NHEJ1: variants seen among roughly 807,000 people sequenced by gnomAD.
NHEJ1 encodes the protein non-homologous end-joining factor 1.
NHEJ1 carries 22 observed loss-of-function variants against 39.4 expected under a neutral mutation model. That is an observed-to-expected ratio of 0.56 (90% confidence interval 0.40 to 0.80). NHEJ1 has a LOEUF of 0.80. Ranked by LOEUF, NHEJ1 falls within the 30% of genes least tolerant of loss-of-function variation. NHEJ1 has a pLI of 0.00. For missense variants in NHEJ1, 329 were observed against 357.1 expected (o/e 0.92, Z 0.63); for synonymous variants, 154 against 135.6 (o/e 1.14, Z -0.94).
At chr2:219,108,943 C>T (rs1347310654) in intron 5 of NHEJ1, among the ~76,000 whole-genome samples, 1 of 152,248 alleles carries the variant, frequency 6.6e-6, no homozygotes, top group African/African-American at 2.4e-5. Context: ...GTGTATTCTA[C>T]ATCTGAACCC....
chr2:219,093,173 C>T (rs1362037320), intron 5 of NHEJ1, among the ~76,000 whole-genome samples: 4 of 152,088 alleles, frequency 2.6e-5, no homozygotes, highest in Non-Finnish European at 5.9e-5. Context: ...TTCCATAAAC[C>T]TGCTGTAGAA....
chr2:219,120,340 A>G (rs889121665), intron 5 of NHEJ1, among the ~76,000 whole-genome samples: 2 of 152,202 alleles, frequency 1.3e-5, no homozygotes, highest in Non-Finnish European at 2.9e-5. Flanking sequence ...CTGACTCAAT[A>G]AGGTAGTGTA....
intron 5 of NHEJ1, among the ~76,000 whole-genome samples, chr2:219,118,785 G>A (rs1167045104): frequency 6.6e-6 from 1 of 152,244 alleles, no homozygotes; most frequent in Admixed American, 6.5e-5. Context: ...AATGAAGGCT[G>A]GAGACAGCCC....
rs1451998977 is a variant in NHEJ1 at position 219,075,275 on chromosome 2, A to G, written c.*1106T>C. On this transcript the variant is annotated 3_prime_UTR_variant, in exon 8 of 8. Transcript: ENST00000356853. ...TGAGGATCAATGTCAAGTGCTCATT[A>G]GAGTAGCTGGTATACATTAACTGCT... 6.6e-6 allele frequency: 1 copy of G among 152,202 alleles called. No homozygotes were observed. The highest frequency in any genetic ancestry group is 1.9e-4 in the East Asian group (1 of 5,198). The allele number at this position is 152,202 out of a possible 1,614,324, so 9.4% of individuals were successfully genotyped here. A position where few individuals can be genotyped will look rare whatever the true frequency, so the allele number is the denominator to read the frequency against.
chr2:219,147,168 G>C (rs1038427795), intron 4 of NHEJ1, among the ~76,000 whole-genome samples: 2 of 152,192 alleles, frequency 1.3e-5, no homozygotes, highest in African/African-American at 4.8e-5. Context: ...GCTCCAGCCA[G>C]GTACTCGAGG....
intron 3 of NHEJ1, among the ~76,000 whole-genome samples, chr2:219,154,186 G>A (rs73991399): frequency 0.017 from 2,526 of 152,172 alleles, 71 homozygotes; most frequent in African/African-American, 0.057. Context: ...CTCATCAAGT[G>A]AAGCAGTGGG....
rs900913267 is a variant in NHEJ1, at chr2:219,073,804, T to G, written c.*2577A>C. Among the ~76,000 whole-genome samples, 1 of 152,202 alleles carries G rather than the reference T, an allele frequency of 6.6e-6. No homozygotes were observed. Among genetic ancestry groups the G allele is most frequent in the African/African-American group, 2.4e-5 (1 of 41,454 alleles). ...GTAGGCGGGGAGGTGGGCCACTGCT[T>G]TATTAAACACAGGGAAAACTAATAT... On this transcript the variant is annotated 3_prime_UTR_variant, in exon 8 of 8. Transcript: ENST00000356853.
chr2:219,147,703 G>A lies in NHEJ1; in HGVS notation c.483C>T (p.Asp161=), dbSNP rs763611486. The A allele has an allele frequency of 3.1e-6, 5 of 1,614,174 alleles. No homozygotes were observed. The South Asian group carries it at 5.5e-5, about 18-fold the overall frequency. ...RELATLLHMK[D]LEIQDYQESG... is the part of the protein sequence containing the mutation. ...TCTCCTGGTAGTCTTGGATCTCTAG[G>A]TCTTTCATATGAAGTAACGTTGCTA... The change falls in exon 4 of 8, where the codon GAC becomes GAT. Residue 161 remains aspartate (D), a synonymous_variant. Coordinates refer to ENST00000356853, the MANE Select transcript of NHEJ1 (RefSeq NM_024782.3).
chr2:219,070,083 C>T lies in NHEJ1; in HGVS notation c.*6298G>A, dbSNP rs1421374402. 1.3e-5 allele frequency among the ~76,000 whole-genome samples: 2 copies of T among 152,224 alleles called. No individual in the cohort carries two copies. The highest frequency in any genetic ancestry group is 2.9e-5 in the Non-Finnish European group (2 of 68,040). The stretch of plus-strand genomic sequence containing the variant: ...TATCACCACCAACAGGGGCATTATG[C>T]TCCTTGCTGAATGGCCACAAACTGC... On this transcript the variant is annotated 3_prime_UTR_variant, in exon 8 of 8. Transcript: ENST00000356853.
chr2:219,153,557 G>A (rs1220566104), intron 3 of NHEJ1, among the ~76,000 whole-genome samples: 4 of 152,178 alleles, frequency 2.6e-5, no homozygotes, highest in South Asian at 2.1e-4. Flanking sequence ...CAGAGACCTG[G>A]GGCCAAGCAC....
In NHEJ1 at chr2:219,073,509, A is replaced by G. The variant is rs1316257495; in HGVS notation, c.*2872T>C. Reference sequence around the variant, plus strand: ...AAGGGATGAGGCTTTCTCTCCAAGCAGGGAGCATGCCTGTCCTAGCTAACT... The same window carrying G: ...AAGGGATGAGGCTTTCTCTCCAAGCGGGGAGCATGCCTGTCCTAGCTAACT... On this transcript the variant is annotated 3_prime_UTR_variant, in exon 8 of 8. Transcript: ENST00000356853. Among the ~76,000 whole-genome samples the G allele has an allele frequency of 6.6e-6, 1 of 152,196 alleles. No homozygotes were observed. The highest frequency in any genetic ancestry group is 2.4e-5 in the African/African-American group (1 of 41,450).
chr2:219,155,337 G>A (rs1239204475), intron 3 of NHEJ1, among the ~76,000 whole-genome samples: 1 of 151,996 alleles, frequency 6.6e-6, no homozygotes, highest in Non-Finnish European at 1.5e-5. Flanking sequence ...GGCCAAGGCA[G>A]GAGGATTGCT....
chr2:219,115,288 T>A (rs893706481), intron 5 of NHEJ1, among the ~76,000 whole-genome samples: 24 of 152,218 alleles, frequency 1.6e-4, no homozygotes, highest in Admixed American at 9.2e-4. Context: ...TAACCAGTTT[T>A]CAATTAGGGC....
intron 5 of NHEJ1, among the ~76,000 whole-genome samples, chr2:219,078,492 A>G (rs1949034709): frequency 6.6e-6 from 1 of 152,182 alleles, no homozygotes; most frequent in Non-Finnish European, 1.5e-5. Context: ...TTCCAAAGGG[A>G]TGATTTCTTA....
intron 5 of NHEJ1, among the ~76,000 whole-genome samples, chr2:219,097,302 T>C (rs1949217534): frequency 6.6e-6 from 1 of 152,176 alleles, no homozygotes; most frequent in South Asian, 2.1e-4. Flanking sequence ...CAGAGACAAC[T>C]GCAGTCCCCT....
In NHEJ1 at chr2:219,154,160, G is replaced by A. The variant is rs1169110864; in HGVS notation, c.390+3312C>T. ...ATGTGTTGATATGAATAATCTCTAA[G>A]TTCTTTTTTTTAAGGCTCATCAAGT... is the stretch of plus-strand genomic sequence containing the variant. On this transcript the variant is annotated intron_variant, in intron 3 of 7. Transcript: ENST00000356853. Among the ~76,000 whole-genome samples the A allele has an allele frequency of 2.6e-5, 4 of 152,058 alleles. No homozygotes were observed. In the East Asian group the frequency reaches 7.7e-4, roughly 29 times the overall value.
intron 5 of NHEJ1, among the ~76,000 whole-genome samples, chr2:219,120,635 A>C (rs4622705): frequency 0.52 from 79,285 of 152,026 alleles, 23,334 homozygotes; most frequent in Non-Finnish European, 0.67. Flanking sequence ...AATGAAGAAG[A>C]GGCGATATTT....
Position 219,147,743 on chromosome 2 carries a change from C to T in NHEJ1, c.443G>A (p.Cys148Tyr). 6.2e-7 allele frequency: 1 copy of T among 1,614,186 alleles called. No individual in the cohort carries two copies. Reference sequence around the variant, plus strand: ...TAACGTTGCTAGCTCCCTCACTTGGCACTGTAATGCCAGACTCATGCCCAT... The same window carrying T: ...TAACGTTGCTAGCTCCCTCACTTGGTACTGTAATGCCAGACTCATGCCCAT... Reference protein sequence around the residue: ...PLMGMSLALQCQVRELATLLH... With the variant: ...PLMGMSLALQYQVRELATLLH... Residue 148 changes from cysteine to tyrosine, a missense_variant, in exon 4 of 8, where the codon TGC becomes TAC. Transcript: ENST00000356853.
intron 3 of NHEJ1, among the ~76,000 whole-genome samples, chr2:219,148,846 C>T (rs1039269664): frequency 6.6e-6 from 1 of 151,800 alleles, no homozygotes; most frequent in Admixed American, 6.6e-5. Context: ...CAAGAACTAG[C>T]CTAGGAAGGT....
Sources: allele counts gnomAD v4.1 joint callset (sites outside exome capture counted in the v4.1 genomes callset), GRCh38; gene constraint gnomAD v4.1.1; transcripts MANE v1.5; gene names NCBI Gene and HGNC (gene_info 2026-07-23, HGNC 2026-07-21).